The following PARVB variants were observed in gnomAD, a reference collection of about 807,000 sequenced individuals.
PARVB encodes the protein parvin beta, also known as beta-parvin.
A neutral mutation model predicts 47.0 loss-of-function variants in PARVB; 46 were observed. That is an observed-to-expected ratio of 0.98 (90% CI 0.77 to 1.25). PARVB has a LOEUF of 1.25. Ranked by LOEUF, PARVB falls within the 50% of genes most tolerant of loss-of-function variation. The pLI is 0.00. For missense variants in PARVB, 473 were observed against 471.6 expected (o/e 1.00, Z -0.03); for synonymous variants, 196 against 196.3 (o/e 1.00, Z 0.01).
At chr22:44,032,266 C>T (rs1034058294) in intron 1 of PARVB, among the ~76,000 whole-genome samples, 6 of 152,172 alleles carry the variant, frequency 3.9e-5, no homozygotes, top group Non-Finnish European at 5.9e-5. Context: ...GTTTTGGCCT[C>T]GTCCAGTCTC....
chr22:44,047,887 C>T (rs958938929), intron 1 of PARVB, among the ~76,000 whole-genome samples: 4 of 152,162 alleles, frequency 2.6e-5, no homozygotes, highest in Non-Finnish European at 5.9e-5. Flanking sequence ...CCTCACATCC[C>T]TTCAGCATCT....
rs535320260 is a variant in PARVB at position 44,061,863 on chromosome 22, C to T, written c.113-32065C>T. ...AACTCCTGACCTCAGGCGATCCACC[C>T]GCTTTGGCCTCCCGAAGTGCTGGGA... On this transcript the variant is annotated intron_variant, in intron 1 of 12. Transcript: ENST00000338758. Among the ~76,000 whole-genome samples the T allele has an allele frequency of 6.6e-4, 100 of 152,188 alleles. 1 individual carries two copies. Among genetic ancestry groups the T allele is most frequent in the Admixed American group, 8.5e-4 (13 of 15,288 alleles).
chr22:44,119,088 G>C lies in PARVB; in HGVS notation c.324G>C (p.Val108=). 1 of 1,614,176 alleles carries C rather than the reference G, an allele frequency of 6.2e-7. No homozygotes were observed. Among genetic ancestry groups the C allele is most frequent in the South Asian group, 1.1e-5 (1 of 91,090 alleles). Reference sequence around the variant, plus strand: ...TGCTGGTGGAGGAGAGGATCATTGTGAAGCAGCTGGAGGAAGACCTGTATG... The same window carrying C: ...TGCTGGTGGAGGAGAGGATCATTGTCAAGCAGCTGGAGGAAGACCTGTATG... ...NDVLVEERII[V]KQLEEDLYDG... Residue 108 remains valine (V), a synonymous_variant, in exon 4 of 13, where the codon GTG becomes GTC. Coordinates refer to ENST00000338758, the MANE Select transcript of PARVB (RefSeq NM_013327.5).
At chr22:44,076,929 T>C (rs2051787995) in intron 1 of PARVB, among the ~76,000 whole-genome samples, 1 of 152,122 alleles carries the variant, frequency 6.6e-6, no homozygotes, top group South Asian at 2.1e-4. Context: ...TCCTGTCTGA[T>C]ACCAGCTTGG....
At chr22:44,002,470 A>G (rs561730677) in intron 2 of PARVB, among the ~76,000 whole-genome samples, 2 of 152,308 alleles carry the variant, frequency 1.3e-5, no homozygotes, top group Admixed American at 6.5e-5. Context: ...ACAAAAGCGA[A>G]GTGCCTGGCA....
chr22:44,024,360 G>C lies in PARVB; in HGVS notation c.21G>C (p.Ser7=). ...GGCCCATGTCCTCCGCGCCGCGCTC[G>C]CCCACCCCGCGGCCCCGCAGGATGA... MSSAPR[S]PTPRPRRMKK... The change falls in exon 1 of 13, where the codon TCG becomes TCC. Residue 7 remains serine, a synonymous_variant. Transcript: ENST00000338758. 1 of 1,152,912 alleles carries C rather than the reference G, an allele frequency of 8.7e-7. No individual in the cohort carries two copies. Among genetic ancestry groups the C allele is most frequent in the Non-Finnish European group, 1.1e-6 (1 of 930,946 alleles). The allele number at this position is 1,152,912 out of a possible 1,614,324, so 71.4% of individuals were successfully genotyped here.
chr22:44,095,813 G>A (rs924354825), intron 2 of PARVB, among the ~76,000 whole-genome samples: 8 of 152,234 alleles, frequency 5.3e-5, no homozygotes, highest in African/African-American at 1.9e-4. Flanking sequence ...GCCAGCAAGA[G>A]CTTATGGAGA....
At chr22:44,000,006 CAAAA>C (rs1206815981) in intron 2 of PARVB, among the ~76,000 whole-genome samples, 2 of 150,356 alleles carry the variant, frequency 1.3e-5, no homozygotes, top group African/African-American at 2.4e-5. Flanking sequence ...GACCCTGTCA[CAAAA>C]AAAAAGAAAG....
chr22:44,151,645 C>T, intron 10 of PARVB, 94 bp downstream of exon 10: 5 of 957,712 alleles, frequency 5.2e-6, no homozygotes, highest in South Asian at 1.3e-5. Context: ...AAGCTGGCGC[C>T]ATTTTGTTCA....
chr22:44,035,774 T>C (rs1372769756), intron 1 of PARVB, among the ~76,000 whole-genome samples: 1 of 151,742 alleles, frequency 6.6e-6, no homozygotes, highest in Non-Finnish European at 1.5e-5. Context: ...TGATGAAAAA[T>C]ACGTGGGAAC....
chr22:44,084,836 A>T (rs1356881940), intron 1 of PARVB, among the ~76,000 whole-genome samples: 2 of 152,158 alleles, frequency 1.3e-5, no homozygotes, highest in Non-Finnish European at 2.9e-5. Context: ...TTCCCTGTAG[A>T]ATTGGCTGCC....
chr22:44,063,667 A>G (rs966209613), intron 1 of PARVB, among the ~76,000 whole-genome samples: 1 of 152,012 alleles, frequency 6.6e-6, no homozygotes, highest in African/African-American at 2.4e-5. Context: ...GGGCACAGTG[A>G]TCCCCAGAGT....
intron 1 of PARVB, among the ~76,000 whole-genome samples, chr22:44,050,553 G>T (rs928263968): frequency 6.6e-6 from 1 of 152,044 alleles, no homozygotes; most frequent in Middle Eastern, 3.2e-3. Context: ...GGTCAGGCTG[G>T]TCTCGAACTC....
chr22:44,081,155 G>A (rs2051890397), intron 1 of PARVB, among the ~76,000 whole-genome samples: 1 of 152,204 alleles, frequency 6.6e-6, no homozygotes, highest in African/African-American at 2.4e-5. Context: ...GATGGGTAGA[G>A]TTGTCTGTGC....
In PARVB at chr22:44,163,877, C is replaced by A; in HGVS notation, c.965C>A (p.Ala322Asp). 1 of 1,610,910 alleles carries A rather than the reference C, an allele frequency of 6.2e-7. No individual in the cohort carries two copies. The highest frequency in any genetic ancestry group is 8.5e-7 in the Non-Finnish European group (1 of 1,178,592). Residue 322 changes from alanine to aspartate, a missense_variant, in exon 12 of 13, where the codon GCC (alanine) becomes GAC (aspartate). By Grantham distance (126) the Ala-to-Asp change is moderately radical. Coordinates refer to ENST00000338758, the MANE Select transcript of PARVB (RefSeq NM_013327.5). ...FDQKVHNVSF[A>D]FELMLDGGLK... The stretch of plus-strand genomic sequence containing the variant: ...TGGCAGGTCCACAATGTGTCCTTCG[C>A]CTTTGAGCTGATGCTGGACGGAGGC...
At chr22:44,079,977 C>T (rs1253189285) in intron 1 of PARVB, among the ~76,000 whole-genome samples, 1 of 152,312 alleles carries the variant, frequency 6.6e-6, no homozygotes, top group Non-Finnish European at 1.5e-5. Flanking sequence ...CCTCCTCAGA[C>T]CTTGGTGTCA....
chr22:44,165,936 A>C (rs1464155246), intron 12 of PARVB, among the ~76,000 whole-genome samples: 1 of 152,084 alleles, frequency 6.6e-6, no homozygotes. Context: ...AGGGAGGAGA[A>C]ATCCTTGCTC....
chr22:44,162,324 G>A (rs1445602465), intron 11 of PARVB, among the ~76,000 whole-genome samples: 1 of 152,120 alleles, frequency 6.6e-6, no homozygotes, highest in Non-Finnish European at 1.5e-5. Flanking sequence ...TTGTTTGTTT[G>A]TTTGCTTGTT....
At chr22:44,095,459 G>T (rs531014408) in intron 2 of PARVB, among the ~76,000 whole-genome samples, 1 of 151,082 alleles carries the variant, frequency 6.6e-6, no homozygotes, top group South Asian at 2.1e-4. Context: ...AGCCGAGATC[G>T]CACCACTGCA....
Sources: gnomAD v4.1 joint callset for allele counts (sites outside exome capture counted in the v4.1 genomes callset) on GRCh38, gnomAD v4.1.1 for gene constraint, MANE v1.5 for transcripts, NCBI Gene and HGNC (gene_info 2026-07-23, HGNC 2026-07-21) for gene names.